Variants in TRIM14 observed in about 807,000 individuals in gnomAD.
The protein encoded by TRIM14 is tripartite motif-containing protein 14.
A neutral mutation model predicts 44.5 loss-of-function variants in TRIM14; 28 were observed. That is an observed-to-expected ratio of 0.63 (90% CI 0.47 to 0.86). The LOEUF (loss-of-function observed/expected upper bound fraction) is 0.86. TRIM14 is among the 40% of genes least tolerant of loss of function. The pLI, the probability that TRIM14 is intolerant of heterozygous loss-of-function variation, is 0.00. For missense variants in TRIM14, 607 were observed against 611.1 expected, an observed-to-expected ratio of 0.99 and a Z score of 0.07; for synonymous variants, 299 against 269.2, an observed-to-expected ratio of 1.11 and a Z score of -1.08.
At chr9:98,083,158 T>C (rs1829965697), downstream of TRIM14, 1 of 1,075,832 alleles carries the variant, frequency 9.3e-7, no homozygotes, top group Non-Finnish European at 1.4e-6. Context: ...GACCTGGCTG[T>C]CATCCACCTC....
the TRIM14 span, among the ~76,000 whole-genome samples, chr9:98,051,768 AG>A: frequency 6.6e-6 from 1 of 152,144 alleles, no homozygotes; most frequent in Non-Finnish European, 1.5e-5. Flanking sequence ...ATCCCCAAAA[AG>A]AAGGGAAATG....
At chr9:98,114,101 G>C (rs936007088) in intron 1 of TRIM14, among the ~76,000 whole-genome samples, 1 of 152,162 alleles carries the variant, frequency 6.6e-6, no homozygotes, top group Non-Finnish European at 1.5e-5. Flanking sequence ...GGGAAATATT[G>C]TCAAATAAGA....
chr9:98,080,878 G>A (rs1564166226), downstream of TRIM14: 12 of 1,614,024 alleles, frequency 7.4e-6, no homozygotes, highest in African/African-American at 4.0e-5. Context: ...CAGGCATAGC[G>A]ATATCTGTGG....
chr9:98,104,224 C>G (rs1043267570), intron 2 of TRIM14, among the ~76,000 whole-genome samples: 1 of 152,112 alleles, frequency 6.6e-6, no homozygotes, highest in Non-Finnish European at 1.5e-5. Context: ...ACTGAATGAT[C>G]AAATGAAGAA....
the TRIM14 span, among the ~76,000 whole-genome samples, chr9:98,053,802 AAAATAAATAAATAAAT>A: frequency 9.6e-5 from 14 of 146,356 alleles, no homozygotes; most frequent in Non-Finnish European, 1.5e-5. Context: ...AGCCCACTAC[AAAATAAATAAATAAAT>A]AAATAAATAA....
At chr9:98,052,377 A>C in the TRIM14 span, among the ~76,000 whole-genome samples, 3 of 151,976 alleles carry the variant, frequency 2.0e-5, no homozygotes, top group African/African-American at 7.3e-5. Flanking sequence ...CTTCAGAAAA[A>C]TAAGATCCAA....
chr9:98,076,866 A>G (rs1829614635), intron 6 of TRIM14: 9 of 1,446,152 alleles, frequency 6.2e-6, no homozygotes, highest in Non-Finnish European at 8.7e-6. Flanking sequence ...CTGTCATAAC[A>G]ACAGTGTTTT....
chr9:98,077,163 G>A, intron 6 of TRIM14: 2 of 637,322 alleles, frequency 3.1e-6, no homozygotes, highest in Non-Finnish European at 5.3e-6. Flanking sequence ...GGGTCTCGCT[G>A]TGTTGGCCAG....
the TRIM14 span, among the ~76,000 whole-genome samples, chr9:98,059,400 T>G: frequency 6.6e-6 from 1 of 152,042 alleles, no homozygotes; most frequent in Admixed American, 6.6e-5. Flanking sequence ...TGGGTTTTAA[T>G]TACTCTTTTT....
At chr9:98,070,178 C>T (rs902788860) in intron 6 of TRIM14, among the ~76,000 whole-genome samples, 1 of 152,178 alleles carries the variant, frequency 6.6e-6, no homozygotes, top group African/African-American at 2.4e-5. Context: ...AGTGCAGTGG[C>T]ACGATTGTGG....
At chr9:98,081,065 A>G (rs1829834631), downstream of TRIM14, 1 of 1,614,090 alleles carries the variant, frequency 6.2e-7, no homozygotes, top group Non-Finnish European at 8.5e-7. Flanking sequence ...GCCCTGTGAG[A>G]TGGCCTGCAA....
chr9:98,043,811 TAG>T, the TRIM14 span, among the ~76,000 whole-genome samples: 2 of 150,330 alleles, frequency 1.3e-5, no homozygotes, highest in Non-Finnish European at 3.0e-5. Context: ...GAAAAGAAAA[TAG>T]AGAGAAAGAG....
At chr9:98,110,038 CA>C in intron 1 of TRIM14, 54 bp from the exon 2 acceptor site, 1 of 1,389,712 alleles carries the variant, frequency 7.2e-7, no homozygotes, top group Non-Finnish European at 1.0e-6. Flanking sequence ...TTCCAAATAA[CA>C]GGCCCCCCAC....
intron 6 of TRIM14, among the ~76,000 whole-genome samples, chr9:98,070,505 C>T (rs1829293433): frequency 6.6e-6 from 1 of 152,222 alleles, no homozygotes; most frequent in Admixed American, 6.5e-5. Context: ...ACTGCAACTT[C>T]TGCCTCCTGG....
downstream of TRIM14, among the ~76,000 whole-genome samples, chr9:98,068,404 G>A (rs1236606972): frequency 6.6e-6 from 1 of 151,876 alleles, no homozygotes; most frequent in Non-Finnish European, 1.5e-5. Flanking sequence ...CCTCCCAAAT[G>A]CTAGGATTAC....
chr9:98,099,732 A>G (rs1289200780), intron 3 of TRIM14, among the ~76,000 whole-genome samples, 199 bp downstream of exon 3: 1 of 152,222 alleles, frequency 6.6e-6, no homozygotes, highest in African/African-American at 2.4e-5. Context: ...ATATTATTTA[A>G]TTAGCCCAAG....
chr9:98,035,837 C>T, the TRIM14 span, among the ~76,000 whole-genome samples: 4 of 152,208 alleles, frequency 2.6e-5, no homozygotes, highest in Non-Finnish European at 5.9e-5. Context: ...AAGTCAGTTA[C>T]GCCTCAGTCA....
chr9:98,103,236 G>A (rs550071610), intron 2 of TRIM14, among the ~76,000 whole-genome samples: 48 of 151,326 alleles, frequency 3.2e-4, no homozygotes, highest in African/African-American at 1.1e-3. Context: ...ATATGTCCTG[G>A]CAGGGAAAGT....
Position 98,109,961 on chromosome 9 carries a change from C to T in TRIM14, c.231G>A (p.Lys77=). 1 of 1,613,850 alleles carries T rather than the reference C, an allele frequency of 6.2e-7. No individual in the cohort carries two copies. Among genetic ancestry groups the T allele is most frequent in the Non-Finnish European group, 8.5e-7 (1 of 1,179,962 alleles). The change falls in exon 2 of 6, where the codon AAG becomes AAA. Residue 77 remains lysine (K), a synonymous_variant. Coordinates refer to ENST00000341469, the MANE Select transcript of TRIM14 (RefSeq NM_014788.4). The part of the protein sequence containing the change: ...HVQKLSQECL[K]QLAIKKQQHI... Reference sequence around the variant, plus strand: ...GCTGCTGCTTCTTGATTGCCAGCTGCTTTAAACATTCTTGGCTGAGTTTCT... The same window carrying T: ...GCTGCTGCTTCTTGATTGCCAGCTGTTTTAAACATTCTTGGCTGAGTTTCT...
Sources: gnomAD v4.1 joint callset for allele counts (sites outside exome capture counted in the v4.1 genomes callset) on GRCh38, gnomAD v4.1.1 for gene constraint, MANE v1.5 for transcripts, NCBI Gene and HGNC (gene_info 2026-07-23, HGNC 2026-07-21) for gene names.